CDH26: variants seen among roughly 807,000 people sequenced by gnomAD.
CDH26 encodes the protein cadherin 26.
Under a neutral mutation model 90.3 loss-of-function variants are expected in CDH26, and 83 were observed. The observed-to-expected ratio is 0.92, with a 90% CI of 0.77 to 1.10. The LOEUF (loss-of-function observed/expected upper bound fraction) is 1.10. CDH26 is among the 50% of genes least tolerant of loss of function. The probability of loss-of-function intolerance (pLI) is 0.00; values close to 1 mark genes in which losing one functional copy is unlikely to be tolerated. For synonymous variants in CDH26, 397 were observed against 396.3 expected (o/e 1.00, Z -0.02); for missense variants, 1,013 against 1,037.6 (o/e 0.98, Z 0.33).
rs8119499 is a variant in CDH26, at chr20:60,032,878, T to C, written c.1144-608T>C. On this transcript the variant is annotated intron_variant, in intron 8 of 8. Coordinates refer to the CDH26 transcript ENST00000370991. Reference sequence around the variant, plus strand: ...TGGGGGGAGGGGGGAGGGATAGCATTGGGAGATGTACCTAATGCTAGATGA... The same window carrying C: ...TGGGGGGAGGGGGGAGGGATAGCATCGGGAGATGTACCTAATGCTAGATGA... 2.6e-3 allele frequency among the ~76,000 whole-genome samples: 384 copies of C among 146,838 alleles called. 3 individuals carry two copies. The highest frequency in any genetic ancestry group is 8.3e-3 in the African/African-American group (331 of 39,904).
intron 3 of CDH26, among the ~76,000 whole-genome samples, chr20:59,970,704 G>C (rs2061249582): frequency 6.6e-6 from 1 of 151,618 alleles, no homozygotes; most frequent in African/African-American, 2.4e-5. Flanking sequence ...CAGCTGCTCG[G>C]GAGGCTGAGG....
chr20:59,968,025 GTCTC>G (rs777837348), intron 1 of CDH26, among the ~76,000 whole-genome samples: 4,044 of 57,098 alleles, frequency 0.071, 110 homozygotes, highest in Middle Eastern at 0.2. Flanking sequence ...CTTTCTCTCT[GTCTC>G]TCTCTCTCTC....
intron 2 of CDH26, 56 bp downstream of exon 2, chr20:59,969,079 A>C (rs1296347483): frequency 8.7e-7 from 1 of 1,143,004 alleles, no homozygotes; most frequent in Non-Finnish European, 1.3e-6. Context: ...CACTTGACTT[A>C]GAGACAGAAT....
chr20:59,992,298 T>C lies in CDH26; in HGVS notation c.1284-80T>C. The C allele has an allele frequency of 7.5e-7, 1 of 1,335,648 alleles. No homozygotes were observed. The highest frequency in any genetic ancestry group is 1.0e-6 in the Non-Finnish European group (1 of 967,116). 82.7% of individuals were successfully genotyped at this position (1,335,648 alleles called of 1,614,324 possible). ...TAGAAATAGTGTTTCTATGACATAT[T>C]TTGTTTTTTTATGCAACTTTTTTAT... is the stretch of plus-strand genomic sequence containing the variant. On this transcript the variant is annotated intron_variant, in intron 9 of 17. Transcript: ENST00000348616. This position sits in a 1 kb window ranked among gnomAD's most constrained non-coding sequence, Gnocchi z 5.0.
rs1159501164 is a variant in CDH26 at position 59,967,871 on chromosome 20, T to C, written c.70-1096T>C. 3.1e-3 allele frequency among the ~76,000 whole-genome samples: 332 copies of C among 108,544 alleles called. 6 individuals carry two copies. Among genetic ancestry groups the C allele is most frequent in the African/African-American group, 0.019 (311 of 16,018 alleles). 71.2% of individuals were successfully genotyped at this position (108,544 alleles called of 152,430 possible). ...TTTCTTTCTTTCTTTCTTTCTTTCT[T>C]TCTTTCTTCCTTCCTTCCTTCCTTC... On this transcript the variant is annotated intron_variant, in intron 1 of 17. Coordinates refer to ENST00000348616, the MANE Select transcript of CDH26 (RefSeq NM_177980.4).
downstream of CDH26, among the ~76,000 whole-genome samples, chr20:60,034,674 A>G (rs1019435307): frequency 2.6e-5 from 4 of 152,220 alleles, no homozygotes; most frequent in African/African-American, 9.6e-5. Flanking sequence ...TGTTTCTGCC[A>G]GTTCTCCTTT....
At chr20:60,012,209 C>T (rs2061853680) in intron 17 of CDH26, among the ~76,000 whole-genome samples, 2 of 151,910 alleles carry the variant, frequency 1.3e-5, no homozygotes, top group Admixed American at 6.6e-5. Context: ...GTCCAGGGCA[C>T]AGGACAGGGA....
rs1009372880 is a variant in CDH26, at chr20:60,010,156, T to G, written c.2296-2371T>G. 6.3e-5 allele frequency among the ~76,000 whole-genome samples: 9 copies of G among 143,352 alleles called. No homozygotes were observed. In the South Asian group the frequency reaches 2.1e-3, roughly 34 times the overall value. The allele number at this position is 143,352 out of a possible 152,430, so 94.0% of individuals were successfully genotyped here. ...AGGGCTCCTGAGAACCAGAGGAAGCTGGAGACAGCTTGTTGCAGTCACTGG... is the reference window on the plus strand; with the variant it reads ...AGGGCTCCTGAGAACCAGAGGAAGCGGGAGACAGCTTGTTGCAGTCACTGG... On this transcript the variant is annotated intron_variant, in intron 17 of 17. Coordinates refer to ENST00000348616, the MANE Select transcript of CDH26 (RefSeq NM_177980.4).
rs1000673910 is a variant in CDH26 at position 59,985,667 on chromosome 20, C to T, written c.837+538C>T. ...GGGGACAGATCTCCAATCTATATCG[C>T]GCAGTCACCCAAGATATGTGCAATT... On this transcript the variant is annotated intron_variant, in intron 7 of 17. Coordinates refer to ENST00000348616, the MANE Select transcript of CDH26 (RefSeq NM_177980.4). 3.9e-5 allele frequency among the ~76,000 whole-genome samples: 6 copies of T among 152,090 alleles called. No individual in the cohort carries two copies. The South Asian group carries it at 6.2e-4, about 16-fold the overall frequency.
chr20:59,978,589 G>T (rs767008642), intron 4 of CDH26, among the ~76,000 whole-genome samples: 4 of 151,990 alleles, frequency 2.6e-5, no homozygotes, highest in South Asian at 2.1e-4. Context: ...GGCCAGGCTG[G>T]TCTTGAACTC....
rs758776110 is a variant in CDH26 at position 59,988,970 on chromosome 20, G to C, written c.1090G>C (p.Val364Leu). 32 of 1,613,866 alleles carry C rather than the reference G, an allele frequency of 2.0e-5. No individual in the cohort carries two copies. The highest frequency in any genetic ancestry group is 2.5e-5 in the Non-Finnish European group (30 of 1,180,034). ...TGTCGTGGAGAATGAGGAGAGGCTC[G>C]TCTTCTGTGAGAGAGGAAAGCTTCA... Reference protein sequence around the residue: ...IIVVENEERLVFCERGKLQPP... With the variant: ...IIVVENEERLLFCERGKLQPP... The change falls in exon 9 of 18, where the codon GTC (valine) becomes CTC (leucine). Residue 364 changes from valine to leucine, a missense_variant. Coordinates refer to ENST00000348616, the MANE Select transcript of CDH26 (RefSeq NM_177980.4).
At chr20:59,978,341 C>A (rs1166642058) in intron 4 of CDH26, among the ~76,000 whole-genome samples, 1 of 152,040 alleles carries the variant, frequency 6.6e-6, no homozygotes, top group African/African-American at 2.4e-5. Flanking sequence ...TTGCATTCTC[C>A]CCAGCAATAA....
chr20:59,974,479 CT>C (rs2061303251), intron 4 of CDH26, among the ~76,000 whole-genome samples: 2 of 152,174 alleles, frequency 1.3e-5, no homozygotes, highest in Admixed American at 1.3e-4. Flanking sequence ...TTTCCTGAAA[CT>C]CGAAGTTGAG....
intron 1 of CDH26, among the ~76,000 whole-genome samples, chr20:59,965,666 A>G (rs916021375): frequency 2.0e-5 from 3 of 152,234 alleles, no homozygotes; most frequent in Admixed American, 1.3e-4. Context: ...CCTCGAGCAG[A>G]TATTTGAAAA....
chr20:59,991,132 C>G (rs761283848), intron 9 of CDH26, among the ~76,000 whole-genome samples: 1 of 152,150 alleles, frequency 6.6e-6, no homozygotes, highest in Admixed American at 6.5e-5. Flanking sequence ...GGGGTCAGGA[C>G]TGAGATTTGC....
intron 7 of CDH26, among the ~76,000 whole-genome samples, chr20:60,025,574 C>A (rs777272346): frequency 7.2e-5 from 11 of 152,216 alleles, no homozygotes; most frequent in Non-Finnish European, 1.5e-4. Context: ...CTCAGCGACA[C>A]CCTTCTGGGC....
chr20:59,978,665 C>G lies in CDH26; in HGVS notation c.394-4258C>G, dbSNP rs532601402. ...CTGGGATTACAGGTGTGAGCCACCACGCCCGATCTTATATTTACTTTTTAC... is the reference window on the plus strand; with the variant it reads ...CTGGGATTACAGGTGTGAGCCACCAGGCCCGATCTTATATTTACTTTTTAC... On this transcript the variant is annotated intron_variant, in intron 4 of 17. Coordinates refer to ENST00000348616, the MANE Select transcript of CDH26 (RefSeq NM_177980.4). Among the ~76,000 whole-genome samples, 13 of 152,118 alleles carry G rather than the reference C, an allele frequency of 8.5e-5. No individual in the cohort carries two copies. The South Asian group carries it at 2.7e-3, about 32-fold the overall frequency.
intron 4 of CDH26, among the ~76,000 whole-genome samples, chr20:59,975,394 G>A (rs1005246043): frequency 6.6e-6 from 1 of 152,128 alleles, no homozygotes. Flanking sequence ...GAGAGGCCCG[G>A]AAGAGTCTCT....
At chr20:59,989,333 C>G (rs1367128745) in intron 9 of CDH26, among the ~76,000 whole-genome samples, 170 bp downstream of exon 9, 1 of 151,468 alleles carries the variant, frequency 6.6e-6, no homozygotes, top group Non-Finnish European at 1.5e-5. Context: ...TCGAGACCAT[C>G]CTGGCTAACA....
Sources: gnomAD v4.1 joint callset for allele counts (sites outside exome capture counted in the v4.1 genomes callset) on GRCh38, gnomAD v4.1.1 for gene constraint, Gnocchi (gnomAD v3.1) non-coding constraint, MANE v1.5 for transcripts, NCBI Gene and HGNC (gene_info 2026-07-23, HGNC 2026-07-21) for gene names.